PTPRF: variants seen among roughly 807,000 people sequenced by gnomAD.
PTPRF encodes receptor-type tyrosine-protein phosphatase F.
Under a neutral mutation model 201.8 loss-of-function variants are expected in PTPRF, and 59 were observed. That is an observed-to-expected ratio of 0.29 (90% CI 0.24 to 0.36). PTPRF has a LOEUF of 0.36. PTPRF is among the 10% of genes least tolerant of loss of function. The pLI, the probability that PTPRF is intolerant of heterozygous loss-of-function variation, is 1.00. For missense variants in PTPRF, 2,132 were observed against 2,690.5 expected (o/e 0.79, Z 4.59); for synonymous variants, 1,088 against 1,089.7 (o/e 1.00, Z 0.03).
intron 19 of PTPRF, among the ~76,000 whole-genome samples, 181 bp from the exon 20 acceptor site, chr1:43,606,059 G>T (rs945868514): frequency 3.9e-5 from 6 of 152,188 alleles, no homozygotes; most frequent in African/African-American, 1.4e-4. Flanking sequence ...ATGGGCTGGT[G>T]GGGAGGAGTG....
upstream of PTPRF, among the ~76,000 whole-genome samples, chr1:43,525,004 C>T (rs1231967667): frequency 1.3e-5 from 2 of 152,144 alleles, no homozygotes; most frequent in Non-Finnish European, 2.9e-5. Context: ...GCTTGAGCAC[C>T]GCCCTGTGAC....
At chr1:43,599,477 C>T (rs56175694) in intron 13 of PTPRF, among the ~76,000 whole-genome samples, 42,135 of 152,096 alleles carry the variant, frequency 0.28, 6,922 homozygotes, top group Non-Finnish European at 0.37. Flanking sequence ...CTGTCTTACC[C>T]CACTGGCGGC....
At chr1:43,598,610 C>T in intron 12 of PTPRF, 110 bp from the exon 13 acceptor site, 3 of 1,013,330 alleles carry the variant, frequency 3.0e-6, no homozygotes, top group Non-Finnish European at 4.5e-6. Context: ...TGTATCAGGG[C>T]CTTTCCTGGG....
At chr1:43,609,647 C>T in intron 22 of PTPRF, 149 bp downstream of exon 22, 2 of 633,210 alleles carry the variant, frequency 3.2e-6, no homozygotes, top group Non-Finnish European at 2.7e-6. Context: ...TCTCCCTGTG[C>T]TCATCCACTT....
chr1:43,566,184 C>T (rs1646171333), intron 5 of PTPRF, among the ~76,000 whole-genome samples: 1 of 152,180 alleles, frequency 6.6e-6, no homozygotes, highest in Admixed American at 6.5e-5. Context: ...GTGTTCACGC[C>T]TAGAGCGCTG....
chr1:43,576,723 T>C (rs1646954949), intron 6 of PTPRF, among the ~76,000 whole-genome samples: 1 of 152,206 alleles, frequency 6.6e-6, no homozygotes, highest in South Asian at 2.1e-4. Flanking sequence ...TCATGAGAAT[T>C]AGAGGAGAGG....
chr1:43,618,587 G>A, intron 25 of PTPRF, 43 bp from the exon 26 acceptor site: 1 of 1,577,180 alleles, frequency 6.3e-7, no homozygotes, highest in Non-Finnish European at 8.7e-7. Context: ...GCCCGTCTGA[G>A]CCTGTGGGCT....
At chr1:43,544,339 G>A (rs1644527373) in intron 2 of PTPRF, among the ~76,000 whole-genome samples, 1 of 152,216 alleles carries the variant, frequency 6.6e-6, no homozygotes. Flanking sequence ...ATGGGAATGG[G>A]TAGGACGAGG....
chr1:43,537,300 G>T lies in PTPRF; in HGVS notation c.-125-898G>T, dbSNP rs746163923. Among the ~76,000 whole-genome samples the T allele has an allele frequency of 6.6e-6, 1 of 152,234 alleles. No individual in the cohort carries two copies. The highest frequency in any genetic ancestry group is 2.4e-5 in the African/African-American group (1 of 41,464). On this transcript the variant is annotated intron_variant, in intron 1 of 33. Transcript: ENST00000359947. This position sits in a 1 kb window ranked among gnomAD's most constrained non-coding sequence, Gnocchi z 4.8. ...TGTGTGCCAGCGGAGGAGGCATCCAGGGGCACGCCTTCATTTTAAAAATTA... is the reference window on the plus strand; with the variant it reads ...TGTGTGCCAGCGGAGGAGGCATCCATGGGCACGCCTTCATTTTAAAAATTA...
chr1:43,598,674 G>A, intron 12 of PTPRF, 46 bp from the exon 13 acceptor site: 1 of 1,572,528 alleles, frequency 6.4e-7, no homozygotes, highest in African/African-American at 1.3e-5. Flanking sequence ...CCTGAGCTAG[G>A]GTTGATACCT....
Position 43,586,228 on chromosome 1 carries a change from G to A in PTPRF, c.680-2503G>A, listed in dbSNP as rs560889063. Reference sequence around the variant, plus strand: ...CTTCCCATGAAGAGGAGGAGACAGGGCACCCACTGGCCGAGAGGACAGGAG... The same window carrying A: ...CTTCCCATGAAGAGGAGGAGACAGGACACCCACTGGCCGAGAGGACAGGAG... On this transcript the variant is annotated intron_variant, in intron 7 of 33. Transcript: ENST00000359947. 3.9e-5 allele frequency among the ~76,000 whole-genome samples: 6 copies of A among 152,336 alleles called. No homozygotes were observed. The South Asian group carries it at 1.2e-3, about 32-fold the overall frequency.
Position 43,617,471 on chromosome 1 carries a change from G to C in PTPRF, c.4098G>C (p.Thr1366=), listed in dbSNP as rs1435716496. 1 of 1,614,038 alleles carries C rather than the reference G, an allele frequency of 6.2e-7. No individual in the cohort carries two copies. Among genetic ancestry groups the C allele is most frequent in the Non-Finnish European group, 8.5e-7 (1 of 1,180,028 alleles). ...CCATCGACCCTGGACAGCAGTTCAC[G>C]TGGGAGAATTCAAACCTGGAGGTGA... is the stretch of plus-strand genomic sequence containing the variant. ...YESIDPGQQF[T]WENSNLEVNK... is the part of the protein sequence containing the mutation. Residue 1366 remains threonine, a synonymous_variant, in exon 24 of 34, where the codon ACG becomes ACC. Transcript: ENST00000359947.
Position 43,557,024 on chromosome 1 carries a change from T to C in PTPRF, c.379+3083T>C, listed in dbSNP as rs58486625. Among the ~76,000 whole-genome samples, 606 of 152,306 alleles carry C rather than the reference T, an allele frequency of 4.0e-3. 6 individuals carry two copies. The highest frequency in any genetic ancestry group is 0.014 in the African/African-American group (577 of 41,572). On this transcript the variant is annotated intron_variant, in intron 5 of 33. Coordinates refer to ENST00000359947, the MANE Select transcript of PTPRF (RefSeq NM_002840.5). The stretch of plus-strand genomic sequence containing the variant: ...CTGACCTGTTTCCCCACTCGTGACC[T>C]GGGGGCAAGTATTTCAATGCTGCCC...
chr1:43,621,311 G>T lies in PTPRF; in HGVS notation c.5655+79G>T, dbSNP rs375240880. 45 of 1,551,844 alleles carry T rather than the reference G, an allele frequency of 2.9e-5. No individual in the cohort carries two copies. In the African/African-American group the frequency reaches 3.7e-4, roughly 13 times the overall value. On this transcript the variant is annotated intron_variant, in intron 33 of 33. Transcript: ENST00000359947. ...CCCTAGGCTTTAGCAACAGTTTGAT[G>T]CCCACAGGCATGTGCATTCATTCAT...
chr1:43,555,873 G>A (rs1365795792), intron 5 of PTPRF, among the ~76,000 whole-genome samples: 1 of 152,126 alleles, frequency 6.6e-6, no homozygotes, highest in Non-Finnish European at 1.5e-5. Context: ...TGCCATACAC[G>A]TCGTTGCAGA....
intron 5 of PTPRF, among the ~76,000 whole-genome samples, chr1:43,557,462 C>T (rs1309608573): frequency 6.6e-6 from 1 of 152,112 alleles, no homozygotes; most frequent in African/African-American, 2.4e-5. Flanking sequence ...GGCAAAACCC[C>T]ATCTCTACCA....
chr1:43,563,007 G>T (rs563481405), intron 5 of PTPRF, among the ~76,000 whole-genome samples: 1 of 151,680 alleles, frequency 6.6e-6, no homozygotes, highest in South Asian at 2.1e-4. Flanking sequence ...GTGAAACCCC[G>T]TCTCTACTAA....
Position 43,588,982 on chromosome 1 carries a change from G to A in PTPRF, c.931G>A (p.Ala311Thr), listed in dbSNP as rs1649898997. Residue 311 changes from alanine (A) to threonine (T), a missense_variant, in exon 8 of 34, where the codon GCC becomes ACC. Around this residue, in one of 6 missense-constraint regions of PTPRF, gnomAD observed 297 missense variants for 454.0 expected, o/e 0.65. Transcript: ENST00000359947. This position sits in a 1 kb window ranked among gnomAD's most constrained non-coding sequence, Gnocchi z 5.3. ...CTCGCTGGGCATGATCGAGGCCACAGCCCAGGTCACAGTGAAAGGTGAGTG... is the reference window on the plus strand; with the variant it reads ...CTCGCTGGGCATGATCGAGGCCACAACCCAGGTCACAGTGAAAGGTGAGTG... ...ISSLGMIEAT[A>T]QVTVKALPKP... 6.4e-7 allele frequency: 1 copy of A among 1,557,912 alleles called. No individual in the cohort carries two copies. The highest frequency in any genetic ancestry group is 1.7e-4 in the Middle Eastern group (1 of 5,804).
chr1:43,611,595 G>C (rs146149296), intron 22 of PTPRF, among the ~76,000 whole-genome samples: 83 of 152,248 alleles, frequency 5.5e-4, no homozygotes, highest in African/African-American at 1.9e-3. Flanking sequence ...GGTTTTCAGC[G>C]GGGGAGCCAG....
Sources: allele counts gnomAD v4.1 joint callset (sites outside exome capture counted in the v4.1 genomes callset), GRCh38; gene constraint gnomAD v4.1.1; regional missense constraint gnomAD v4.1.1; non-coding constraint Gnocchi (gnomAD v3.1); transcripts MANE v1.5; gene names NCBI Gene and HGNC (gene_info 2026-07-23, HGNC 2026-07-21).